The following CHD9 variants were observed in gnomAD, a reference collection of about 807,000 sequenced individuals.
CHD9 encodes the protein ATP-dependent chromatin remodeler CHD9.
In CHD9, 77 loss-of-function variants were observed where a neutral mutation model predicts 316.1. The observed-to-expected ratio is 0.24, with a 90% confidence interval of 0.20 to 0.29. The LOEUF is 0.29. Among genes scored for constraint, CHD9 ranks in the 10% least tolerant of loss-of-function variants. The pLI is 1.00. For missense variants in CHD9, 2,763 were observed against 3,438.1 expected, an observed-to-expected ratio of 0.80 and a Z score of 4.91; for synonymous variants, 1,129 against 1,158.3, an observed-to-expected ratio of 0.97 and a Z score of 0.51.
chr16:53,290,103 A>G (rs572775698), intron 27 of CHD9, among the ~76,000 whole-genome samples: 5 of 152,192 alleles, frequency 3.3e-5, no homozygotes, highest in South Asian at 2.1e-4. Context: ...GTGAAACCCA[A>G]TCTCTACTAA....
At chr16:53,167,253 T>C (rs2042332769) in intron 2 of CHD9, among the ~76,000 whole-genome samples, 1 of 152,196 alleles carries the variant, frequency 6.6e-6, no homozygotes, top group African/African-American at 2.4e-5. Context: ...CTGTACCTTG[T>C]CAAATGTAGG....
intron 1 of CHD9, among the ~76,000 whole-genome samples, chr16:53,100,453 CTT>C (rs61450186): frequency 2.9e-4 from 38 of 129,628 alleles, no homozygotes; most frequent in South Asian, 2.5e-3. Context: ...ACTCATTCGT[CTT>C]TTTTTTTTTT....
intron 1 of CHD9, among the ~76,000 whole-genome samples, chr16:53,150,133 G>A (rs1320131842): frequency 1.3e-5 from 2 of 150,396 alleles, no homozygotes; most frequent in Non-Finnish European, 3.0e-5. Context: ...ACATACTTCT[G>A]TTATTTTGCT....
chr16:53,198,962 A>C (rs1322738008), intron 2 of CHD9, among the ~76,000 whole-genome samples: 1 of 151,776 alleles, frequency 6.6e-6, no homozygotes, highest in African/African-American at 2.4e-5. Flanking sequence ...AATCTTTTTA[A>C]TTGGAATTTG....
At chr16:53,314,317 A>T in intron 34 of CHD9, 60 bp from the exon 35 acceptor site, 1 of 1,186,734 alleles carries the variant, frequency 8.4e-7, no homozygotes, top group Non-Finnish European at 1.2e-6. Context: ...GAAAGGGATT[A>T]CTTTCAGTTT....
chr16:53,102,513 C>G, intron 1 of CHD9, among the ~76,000 whole-genome samples: 1 of 152,180 alleles, frequency 6.6e-6, no homozygotes, highest in African/African-American at 2.4e-5. Flanking sequence ...TCCAGAGTCT[C>G]TCTTCTGAAC....
chr16:53,158,939 A>C (rs1386722811), intron 2 of CHD9, among the ~76,000 whole-genome samples: 1 of 152,092 alleles, frequency 6.6e-6, no homozygotes, highest in African/African-American at 2.4e-5. Context: ...GCCCAGTCTT[A>C]AGTGTTTTTA....
intron 3 of CHD9, among the ~76,000 whole-genome samples, chr16:53,218,606 A>T (rs1452121954): frequency 1.3e-5 from 2 of 152,172 alleles, no homozygotes; most frequent in African/African-American, 2.4e-5. Context: ...TGTAAATTTT[A>T]AAAAAATTTA....
intron 2 of CHD9, among the ~76,000 whole-genome samples, chr16:53,175,578 A>C (rs1030489814): frequency 6.6e-6 from 1 of 152,244 alleles, no homozygotes; most frequent in Admixed American, 6.5e-5. Context: ...ATAATGTTTC[A>C]TAATATGGAA....
intron 20 of CHD9, among the ~76,000 whole-genome samples, chr16:53,266,192 A>C (rs1346060225): frequency 6.6e-6 from 1 of 152,150 alleles, no homozygotes; most frequent in African/African-American, 2.4e-5. Flanking sequence ...ATGTGTCTTC[A>C]AAGTATATCT....
chr16:53,247,563 G>A, intron 16 of CHD9, 60 bp downstream of exon 16: 1 of 1,146,566 alleles, frequency 8.7e-7, no homozygotes, highest in Non-Finnish European at 1.3e-6. Flanking sequence ...GATTTGTGCA[G>A]CACTGTAATG....
At chr16:53,057,644 A>T (rs1024390444) in intron 1 of CHD9, among the ~76,000 whole-genome samples, 1 of 151,924 alleles carries the variant, frequency 6.6e-6, no homozygotes, top group Admixed American at 6.6e-5. Flanking sequence ...ACAACAGCGA[A>T]ACTCCATCTC....
At chr16:53,070,489 T>TTCCTCCCTTCCTTCCTTCC (rs1567306287) in intron 1 of CHD9, among the ~76,000 whole-genome samples, 1 of 144,792 alleles carries the variant, frequency 6.9e-6, no homozygotes, top group African/African-American at 2.7e-5. Context: ...TCTTTCTTTC[T>TTCCTCCCTTCCTTCCTTCC]TTCCTTCCTT....
At chr16:53,257,938 C>A (rs1045623036) in intron 19 of CHD9, among the ~76,000 whole-genome samples, 1 of 152,034 alleles carries the variant, frequency 6.6e-6, no homozygotes, top group East Asian at 1.9e-4. Context: ...TTCCTCATAT[C>A]TGAAATCTAA....
At chr16:53,107,944 G>A (rs781669701) in intron 1 of CHD9, among the ~76,000 whole-genome samples, 5 of 152,014 alleles carry the variant, frequency 3.3e-5, no homozygotes, top group Non-Finnish European at 5.9e-5. Context: ...ACAAAGCAGG[G>A]GATACAATAG....
At chr16:53,320,346 AC>A (rs2057188576) in intron 37 of CHD9, among the ~76,000 whole-genome samples, 1 of 152,026 alleles carries the variant, frequency 6.6e-6, no homozygotes, top group Non-Finnish European at 1.5e-5. Flanking sequence ...ACATGGTGAA[AC>A]CCTGTCTCTT....
chr16:53,304,136 G>A lies in CHD9; in HGVS notation c.6130G>A (p.Glu2044Lys), dbSNP rs1472142112. The A allele has an allele frequency of 1.2e-6, 2 of 1,613,258 alleles. No homozygotes were observed. Among genetic ancestry groups the A allele is most frequent in the Admixed American group, 1.7e-5 (1 of 59,830 alleles). ...LLDAKGIILE[E>K]MKVKSENLKE... ...AGATGCTAAAGGTATTATTCTAGAG[G>A]AGATGAAAGTTAAAAGTGAAAACCT... Residue 2044 changes from glutamate to lysine, a missense_variant, in exon 31 of 39, where the codon GAG becomes AAG. By Grantham distance (56) the Glu-to-Lys change is moderately conservative. Coordinates refer to ENST00000447540, the MANE Select transcript of CHD9 (RefSeq NM_001308319.2).
At chr16:53,068,993 T>C (rs1226234268) in intron 1 of CHD9, among the ~76,000 whole-genome samples, 1 of 144,960 alleles carries the variant, frequency 6.9e-6, no homozygotes, top group African/African-American at 2.6e-5. Context: ...CATTTTCTTC[T>C]TTTATTTTAT....
chr16:53,184,657 G>GT, intron 2 of CHD9, among the ~76,000 whole-genome samples: 1 of 152,196 alleles, frequency 6.6e-6, no homozygotes, highest in Admixed American at 6.5e-5. Flanking sequence ...TTAAAAGATA[G>GT]TTAGATGGGT....
Sources: allele counts gnomAD v4.1 joint callset (sites outside exome capture counted in the v4.1 genomes callset), GRCh38; gene constraint gnomAD v4.1.1; transcripts MANE v1.5; gene names NCBI Gene and HGNC (gene_info 2026-07-23, HGNC 2026-07-21).